Variants in KIF26A observed in about 807,000 individuals in gnomAD.
The protein encoded by KIF26A is kinesin-like protein KIF26A.
In KIF26A, 74 loss-of-function variants were observed where a neutral mutation model predicts 126.0. The observed-to-expected ratio is 0.59, with a 90% CI of 0.49 to 0.71. KIF26A has a LOEUF of 0.71. Among genes scored for constraint, KIF26A ranks in the 30% least tolerant of loss-of-function variants. The probability of loss-of-function intolerance (pLI) is 0.00; values close to 1 mark genes in which losing one functional copy is unlikely to be tolerated. For synonymous variants in KIF26A, 1,445 were observed against 1,232.7 expected, an observed-to-expected ratio of 1.17 and a Z score of -3.61; for missense variants, 2,984 against 2,763.3, an observed-to-expected ratio of 1.08 and a Z score of -1.79.
chr14:104,151,912 C>T lies in KIF26A; in HGVS notation c.289-103C>T, dbSNP rs898036912. ...TGTTACGGATGGTGCGGTGGCCAGG[C>T]GGGAGCTCGCAGCGTCATGGACGGT... On this transcript the variant is annotated intron_variant, in intron 2 of 14. Transcript: ENST00000423312. This position sits in a 1 kb window ranked among gnomAD's most constrained non-coding sequence, Gnocchi z 4.9. 19 of 962,218 alleles carry T rather than the reference C, an allele frequency of 2.0e-5. No homozygotes were observed. Among genetic ancestry groups the T allele is most frequent in the Admixed American group, 1.0e-4 (5 of 49,294 alleles). The allele number at this position is 962,218 out of a possible 1,614,324, so 59.6% of individuals were successfully genotyped here.
intron 2 of KIF26A, among the ~76,000 whole-genome samples, chr14:104,140,096 A>T (rs2037623672): frequency 6.6e-6 from 1 of 152,212 alleles, no homozygotes. Flanking sequence ...GGAAGTCCGC[A>T]TAATCCCCAT....
rs184473941 is a variant in KIF26A, at chr14:104,174,262, C to T, written c.2145C>T (p.Thr715=). 5.7e-5 allele frequency: 90 copies of T among 1,567,628 alleles called. No homozygotes were observed. In the African/African-American group the frequency reaches 8.4e-4, roughly 15 times the overall value. The change falls in exon 11 of 15, where the codon ACC becomes ACT. Residue 715 remains threonine, a synonymous_variant. Coordinates refer to ENST00000423312, the MANE Select transcript of KIF26A (RefSeq NM_015656.2). ...APAQHAETLS[T]VQLAARIHRL... is the part of the protein sequence containing the mutation. ...CCCAGCACGCAGAGACACTCAGCAC[C>T]GTGCAGCTCGCCGCCCGCATCCACC...
chr14:104,148,993 A>G lies in KIF26A; in HGVS notation c.289-3022A>G, dbSNP rs993364171. 6.6e-6 allele frequency among the ~76,000 whole-genome samples: 1 copy of G among 152,054 alleles called. No homozygotes were observed. Among genetic ancestry groups the G allele is most frequent in the Non-Finnish European group, 1.5e-5 (1 of 68,000 alleles). On this transcript the variant is annotated intron_variant, in intron 2 of 14. Coordinates refer to ENST00000423312, the MANE Select transcript of KIF26A (RefSeq NM_015656.2). The surrounding 1 kb of genome is among the most constrained non-coding windows in gnomAD (Gnocchi z 4.3). ...CTCTGGGCTGGGCTGTGTGGCTCTG[A>G]GTGGCCCCGGCAAGCAGCCCTGTGG...
At chr14:104,150,466 G>A (rs1243580068) in intron 2 of KIF26A, among the ~76,000 whole-genome samples, 1 of 151,822 alleles carries the variant, frequency 6.6e-6, no homozygotes, top group African/African-American at 2.4e-5. Flanking sequence ...GGTGGTCCTG[G>A]GGGAACATGA....
rs1168379668 is a variant in KIF26A at position 104,176,749 on chromosome 14, T to A, written c.3961T>A (p.Ser1321Thr). Residue 1321 changes from serine to threonine, a missense_variant, in exon 12 of 15, where the codon TCC (serine) becomes ACC (threonine). By Grantham distance (58) the Ser-to-Thr change is moderately conservative. Transcript: ENST00000423312. ...TTLGVTTPAV[S>T]WGDAPTEVVA... ...GCTGGGTGTGACAACGCCAGCTGTG[T>A]CCTGGGGAGATGCTCCCACGGAGGT... 1 of 1,587,898 alleles carries A rather than the reference T, an allele frequency of 6.3e-7. No homozygotes were observed. The highest frequency in any genetic ancestry group is 2.3e-5 in the East Asian group (1 of 43,584).
intron 4 of KIF26A, among the ~76,000 whole-genome samples, chr14:104,158,411 G>A (rs376961942): frequency 3.9e-5 from 6 of 152,188 alleles, no homozygotes; most frequent in East Asian, 3.9e-4. Flanking sequence ...CGGGGGAGGC[G>A]CAGGCTGGGG....
chr14:104,176,881 C>A lies in KIF26A; in HGVS notation c.4093C>A (p.Pro1365Thr). ...RPSGAAPPAP[P>T]TRKSSLEQRS... ...CAGTGGGGCGGCCCCCCCGGCCCCA[C>A]CCACGCGGAAGTCCAGCCTGGAGCA... is the stretch of plus-strand genomic sequence containing the variant. The change falls in exon 12 of 15, where the codon CCC (proline) becomes ACC (threonine). Residue 1365 changes from proline to threonine, a missense_variant. Pro to Thr is a conservative substitution (Grantham distance 38). Coordinates refer to ENST00000423312, the MANE Select transcript of KIF26A (RefSeq NM_015656.2). 1.3e-6 allele frequency: 2 copies of A among 1,542,248 alleles called. No homozygotes were observed. The highest frequency in any genetic ancestry group is 1.7e-6 in the Non-Finnish European group (2 of 1,145,562).
At chr14:104,164,169 C>T (rs55931432) in intron 4 of KIF26A, among the ~76,000 whole-genome samples, 73,238 of 151,920 alleles carry the variant, frequency 0.48, 18,035 homozygotes, top group African/African-American at 0.58. Context: ...AGCGAGAGGC[C>T]GGGCCCGGCT....
chr14:104,174,525 C>T (rs1203358216), intron 11 of KIF26A, among the ~76,000 whole-genome samples: 11 of 152,188 alleles, frequency 7.2e-5, no homozygotes, highest in Admixed American at 3.9e-4. Context: ...TGGGCAGAAT[C>T]GGGGCTTGCT....
rs931289110 is a variant in KIF26A, at chr14:104,180,729, A to G, written c.*939A>G. 6.5e-6 allele frequency: 1 copy of G among 154,228 alleles called. No homozygotes were observed. Among genetic ancestry groups the G allele is most frequent in the Non-Finnish European group, 1.5e-5 (1 of 68,194 alleles). 9.6% of individuals were successfully genotyped at this position (154,228 alleles called of 1,614,324 possible). A position where few individuals can be genotyped will look rare whatever the true frequency, so the allele number is the denominator to read the frequency against. On this transcript the variant is annotated 3_prime_UTR_variant, in exon 15 of 15. Transcript: ENST00000423312. ...GGGGCCTTGGGAGGCGCTTCTTGCCAAATGCAGACGAGGGGTGAGCCTGCC... is the reference window on the plus strand; with the variant it reads ...GGGGCCTTGGGAGGCGCTTCTTGCCGAATGCAGACGAGGGGTGAGCCTGCC...
chr14:104,147,949 C>A (rs1272554126), intron 2 of KIF26A, among the ~76,000 whole-genome samples: 2 of 152,170 alleles, frequency 1.3e-5, no homozygotes, highest in Non-Finnish European at 2.9e-5. Flanking sequence ...TCAGGGAGGG[C>A]CCCGTATGGC....
intron 2 of KIF26A, among the ~76,000 whole-genome samples, chr14:104,144,684 C>T (rs1462314704): frequency 1.3e-5 from 2 of 152,222 alleles, no homozygotes; most frequent in Non-Finnish European, 2.9e-5. Flanking sequence ...CCGCGTGGGA[C>T]TTTTCTTCTG....
Position 104,139,029 on chromosome 14 carries a change from C to G in KIF26A, c.43-14C>G. The G allele has an allele frequency of 8.2e-6, 11 of 1,346,322 alleles. No homozygotes were observed. The highest frequency in any genetic ancestry group is 1.0e-5 in the Non-Finnish European group (11 of 1,056,374). The allele number at this position is 1,346,322 out of a possible 1,614,324, so 83.4% of individuals were successfully genotyped here. A position where few individuals can be genotyped will look rare whatever the true frequency, so the allele number is the denominator to read the frequency against. ...CCCAGGCTCACTGTCCGCTTCCGCC[C>G]CCACACCCTGCAGGTGGCCGAGGGC... On this transcript the variant is annotated splice_polypyrimidine_tract_variant and intron_variant, in intron 1 of 14. Transcript: ENST00000423312.
rs545228405 is a variant in KIF26A at position 104,164,658 on chromosome 14, C to G, written c.924-2201C>G. On this transcript the variant is annotated intron_variant, in intron 4 of 14. Transcript: ENST00000423312. Reference sequence around the variant, plus strand: ...CTCAGAGGCGCGGCGGGCCTGTACTCTGTGTGTGTGCCTGTCTGCGTGTGT... The same window carrying G: ...CTCAGAGGCGCGGCGGGCCTGTACTGTGTGTGTGTGCCTGTCTGCGTGTGT... Among the ~76,000 whole-genome samples the G allele has an allele frequency of 5.3e-5, 8 of 152,142 alleles. No individual in the cohort carries two copies. In the East Asian group the frequency reaches 1.2e-3, roughly 22 times the overall value.
In KIF26A at chr14:104,175,939, C is replaced by A; in HGVS notation, c.3151C>A (p.Pro1051Thr). ...SLGALAGAGR[P>T]TSLASFDSDC... The stretch of plus-strand genomic sequence containing the variant: ...GGGGGCGCTTGCCGGAGCTGGGCGG[C>A]CCACCAGCCTGGCTAGCTTCGACAG... The change falls in exon 12 of 15, where the codon CCC (proline) becomes ACC (threonine). Residue 1051 changes from proline (P) to threonine (T), a missense_variant. By Grantham distance (38) the Pro-to-Thr change is conservative. Transcript: ENST00000423312. The A allele has an allele frequency of 1.3e-6, 2 of 1,559,362 alleles. No homozygotes were observed. The highest frequency in any genetic ancestry group is 1.8e-5 in the Admixed American group (1 of 54,080).
chr14:104,173,828 A>G lies in KIF26A; in HGVS notation c.1990A>G (p.Ile664Val), dbSNP rs747520608. The G allele has an allele frequency of 1.1e-5, 17 of 1,600,796 alleles. No individual in the cohort carries two copies. The South Asian group carries it at 1.6e-4, about 16-fold the overall frequency. ...GTCCCTGTCGGCCCTGGGCAGCGTC[A>G]TCTTGGCCCTGGTCAACGGAGCCAA... ...CLSLSALGSV[I>V]LALVNGAKHV... The change falls in exon 10 of 15, where the codon ATC becomes GTC. Residue 664 changes from isoleucine to valine, a missense_variant. Physicochemically the swap from Ile to Val is conservative, Grantham distance 29. Transcript: ENST00000423312.
chr14:104,147,141 A>G (rs4906421), intron 2 of KIF26A, among the ~76,000 whole-genome samples: 45,721 of 152,064 alleles, frequency 0.3, 8,450 homozygotes, highest in East Asian at 0.48. Context: ...TGCACTGAGC[A>G]TGCCTCTGAG....
chr14:104,153,517 A>G (rs371713897), intron 3 of KIF26A, among the ~76,000 whole-genome samples: 9 of 102,380 alleles, frequency 8.8e-5, no homozygotes, highest in South Asian at 3.0e-4. Context: ...CCCAGAGCCG[A>G]ACCCCACCCT....
At chr14:104,172,388 C>T (rs1262298196) in intron 6 of KIF26A, among the ~76,000 whole-genome samples, 187 bp from the exon 7 acceptor site, 2 of 152,220 alleles carry the variant, frequency 1.3e-5, no homozygotes, top group Non-Finnish European at 2.9e-5. Context: ...CTACGTGTGT[C>T]CTGGGTCCTG....
Sources: allele counts gnomAD v4.1 joint callset (sites outside exome capture counted in the v4.1 genomes callset), GRCh38; gene constraint gnomAD v4.1.1; non-coding constraint Gnocchi (gnomAD v3.1); transcripts MANE v1.5; gene names NCBI Gene and HGNC (gene_info 2026-07-23, HGNC 2026-07-21).